CLCN5: variants seen among roughly 807,000 people sequenced by gnomAD.
The protein encoded by CLCN5 is Cl-/H+ antiporter 5.
In CLCN5, 17 loss-of-function variants were observed where a neutral mutation model predicts 54.0. That is an observed-to-expected ratio of 0.31 (90% CI 0.22 to 0.47). CLCN5 has a LOEUF of 0.47. Among genes scored for constraint, CLCN5 ranks in the 20% least tolerant of loss-of-function variants. CLCN5 has a pLI of 1.00. For synonymous variants in CLCN5, 222 were observed against 233.0 expected (o/e 0.95, Z 0.43); for missense variants, 448 against 646.7 (o/e 0.69, Z 3.33).
At chrX:50,047,905 A>T (rs1321846453) in intron 4 of CLCN5, among the ~76,000 whole-genome samples, 1 of 112,015 alleles carries the variant, frequency 8.9e-6, no homozygotes, top group Non-Finnish European at 1.9e-5. Flanking sequence ...ATCACTGTTG[A>T]TGTTGACCTT....
chrX:49,982,531 GGA>G (rs1159097750), intron 3 of CLCN5, among the ~76,000 whole-genome samples: 1 of 111,063 alleles, frequency 9.0e-6, no homozygotes, highest in African/African-American at 3.3e-5. Context: ...GAGAAACACA[GGA>G]GAGAGAAAAA....
chrX:50,080,512 T>G, intron 7 of CLCN5, 82 bp from the exon 8 acceptor site: 2 of 841,529 alleles, frequency 2.4e-6, no homozygotes, highest in Non-Finnish European at 3.3e-6. Context: ...CTTTTTTTCC[T>G]GAAAAAACAT....
At chrX:50,030,827 G>A (rs782761610) in intron 3 of CLCN5, among the ~76,000 whole-genome samples, 69 of 112,130 alleles carry the variant, frequency 6.2e-4, no homozygotes, top group African/African-American at 2.1e-3. Flanking sequence ...ATGTGATACC[G>A]GTCTTGCATT....
At chrX:50,052,693 A>G (rs1260435937) in intron 4 of CLCN5, among the ~76,000 whole-genome samples, 1 of 111,222 alleles carries the variant, frequency 9.0e-6, no homozygotes, top group Non-Finnish European at 1.9e-5. Flanking sequence ...TGGCAAGGTT[A>G]TTAATTTTTG....
At position 50,098,921 on chromosome X, in the gene CLCN5, TA is replaced by T. The variant is rs1934344089; in HGVS notation, c.*6704del. 2 of 112,507 alleles carry T rather than the reference TA, an allele frequency of 1.8e-5. No homozygotes were observed. Among genetic ancestry groups the T allele is most frequent in the Non-Finnish European group, 3.8e-5 (2 of 53,284 alleles). 9.3% of individuals were successfully genotyped at this position (112,507 alleles called of 1,213,427 possible). A position where few individuals can be genotyped will look rare whatever the true frequency, so the allele number is the denominator to read the frequency against. On this transcript the variant is annotated 3_prime_UTR_variant, in exon 15 of 15. Transcript: ENST00000376091. The stretch of plus-strand genomic sequence containing the variant: ...CTTCTACTAACTAGCCTCGAGATCT[TA>T]ACCGCTCTGTGCCTCAGTGTTCCCA...
In CLCN5 at chrX:50,075,882, A is replaced by G. The variant is rs782369526; in HGVS notation, c.503A>G (p.His168Arg). The change falls in exon 7 of 15, where the codon CAT becomes CGT. Residue 168 changes from histidine (H) to arginine (R), a missense_variant. His to Arg is a conservative substitution (Grantham distance 29, BLOSUM62 0). Around this residue, in one of 5 missense-constraint regions of CLCN5, gnomAD observed 41 missense variants for 71.3 expected, o/e 0.58. Transcript: ENST00000376091. ...GICTGGFWFN[H>R]EHCCWNSEHV... ...TGCACAGGGGGATTCTGGTTTAACC[A>G]TGAACATTGTTGCTGGAACTCTGAG... The G allele has an allele frequency of 8.3e-7, 1 of 1,210,812 alleles. No individual in the cohort carries two copies. Among genetic ancestry groups the G allele is most frequent in the Admixed American group, 2.2e-5 (1 of 46,054 alleles).
At chrX:50,062,975 A>C (rs1209834) in intron 4 of CLCN5, among the ~76,000 whole-genome samples, 10,088 of 109,592 alleles carry the variant, frequency 0.092, 493 homozygotes, top group Middle Eastern at 0.14. Flanking sequence ...ACAAAGACAC[A>C]ACATACCAGA....
intron 5 of CLCN5, among the ~76,000 whole-genome samples, chrX:50,071,693 A>G (rs1277737008): frequency 8.9e-6 from 1 of 112,310 alleles, no homozygotes; most frequent in Non-Finnish European, 1.9e-5. Flanking sequence ...ACTTAGAGTC[A>G]TAGGTCAAAA....
intron 3 of CLCN5, among the ~76,000 whole-genome samples, chrX:49,985,367 G>A (rs1230589381): frequency 8.9e-6 from 1 of 111,823 alleles, no homozygotes; most frequent in African/African-American, 3.2e-5. Context: ...TATTGAGAAT[G>A]TCTTTGTGTT....
chrX:50,018,371 T>C (rs1557183872), intron 3 of CLCN5, among the ~76,000 whole-genome samples: 1 of 112,292 alleles, frequency 8.9e-6, no homozygotes, highest in East Asian at 2.8e-4. Flanking sequence ...GTTGACTCTT[T>C]GGATTTTCTA....
At chrX:50,008,945 C>T (rs1557182028) in intron 3 of CLCN5, 1 of 383,353 alleles carries the variant, frequency 2.6e-6, no homozygotes, top group South Asian at 2.4e-5. Flanking sequence ...GTGTCAGAGC[C>T]TTCTTGTCTG....
intron 3 of CLCN5, among the ~76,000 whole-genome samples, chrX:49,972,749 G>A (rs1170884940): frequency 8.9e-6 from 1 of 111,810 alleles, no homozygotes; most frequent in East Asian, 2.8e-4. Context: ...TACTTTATGA[G>A]TTTTAAGGCA....
chrX:50,090,592 AGG>A (rs1339880925), intron 13 of CLCN5, 76 bp from the exon 14 acceptor site: 1 of 1,153,872 alleles, frequency 8.7e-7, no homozygotes, highest in East Asian at 3.1e-5. Flanking sequence ...AAGACAGGGA[AGG>A]GGGGACTGGT....
chrX:50,036,706 G>A (rs2147467249), intron 3 of CLCN5, among the ~76,000 whole-genome samples: 1 of 112,017 alleles, frequency 8.9e-6, no homozygotes. Flanking sequence ...CTGGAACCAT[G>A]TATTTTAAAT....
intron 3 of CLCN5, among the ~76,000 whole-genome samples, chrX:50,032,888 A>G (rs1369732343): frequency 9.0e-6 from 1 of 110,687 alleles, no homozygotes; most frequent in Non-Finnish European, 1.9e-5. Context: ...ATCTTGAATT[A>G]ATTTTTGTAT....
At chrX:50,033,934 C>G (rs1195791525) in intron 3 of CLCN5, among the ~76,000 whole-genome samples, 2 of 111,270 alleles carry the variant, frequency 1.8e-5, no homozygotes, top group Non-Finnish European at 3.8e-5. Flanking sequence ...TCTCATAACC[C>G]CTACTCGTCT....
intron 3 of CLCN5, among the ~76,000 whole-genome samples, chrX:50,040,843 C>T (rs1932189121): frequency 9.0e-6 from 1 of 111,705 alleles, no homozygotes; most frequent in African/African-American, 3.3e-5. Flanking sequence ...ATAAATGTCA[C>T]TCACACTTCG....
Position 50,080,644 on chromosome X carries a change from C to A in CLCN5, c.654C>A (p.Leu218=). The change falls in exon 8 of 15, where the codon CTC becomes CTA. Residue 218 remains leucine (L), a synonymous_variant. Coordinates refer to ENST00000376091, the MANE Select transcript of CLCN5 (RefSeq NM_001127898.4). The part of the protein sequence containing the change: ...VNYFMYVLWA[L]LFAFLAVSLV... ...ATTTCATGTACGTCCTCTGGGCTCT[C>A]CTATTTGCCTTCCTTGCCGTATCTC... 3 of 1,205,247 alleles carry A rather than the reference C, an allele frequency of 2.5e-6. No homozygotes were observed. The highest frequency in any genetic ancestry group is 3.4e-6 in the Non-Finnish European group (3 of 890,016).
At chrX:49,955,730 C>T (rs1383094511) in intron 3 of CLCN5, among the ~76,000 whole-genome samples, 1 of 111,453 alleles carries the variant, frequency 9.0e-6, no homozygotes, top group Admixed American at 9.5e-5. Context: ...GAAGGAAAGC[C>T]CTACTGCTCT....
Sources: gnomAD v4.1 joint callset for allele counts (sites outside exome capture counted in the v4.1 genomes callset) on GRCh38, gnomAD v4.1.1 for gene constraint, gnomAD v4.1.1 regional missense constraint, MANE v1.5 for transcripts, NCBI Gene and HGNC (gene_info 2026-07-23, HGNC 2026-07-21) for gene names.